The following GRIN2B variants were observed in gnomAD, a reference collection of about 807,000 sequenced individuals.
GRIN2B encodes glutamate receptor ionotropic, NMDA 2B.
In GRIN2B, 5 loss-of-function variants were observed where a neutral mutation model predicts 114.5. That is an observed-to-expected ratio of 0.04 (90% CI 0.02 to 0.09). GRIN2B has a LOEUF of 0.09. Among genes scored for constraint, GRIN2B ranks in the 10% least tolerant of loss-of-function variants. The probability of loss-of-function intolerance (pLI) is 1.00; values close to 1 mark genes in which losing one functional copy is unlikely to be tolerated. For synonymous variants in GRIN2B, 787 were observed against 745.1 expected (o/e 1.06, Z -0.92); for missense variants, 1,108 against 1,943.5 (o/e 0.57, Z 8.08).
intron 1 of GRIN2B, among the ~76,000 whole-genome samples, chr12:13,980,847 A>T (rs572326400): frequency 2.6e-5 from 4 of 152,194 alleles, no homozygotes; most frequent in Admixed American, 2.0e-4. Context: ...ATGGGTTCTG[A>T]TTGTGCACGG....
chr12:13,562,974 G>A lies in GRIN2B; in HGVS notation c.4264C>T (p.Arg1422Trp), dbSNP rs773278200. The change falls in exon 14 of 14, where the codon CGG becomes TGG. Residue 1422 changes from arginine to tryptophan, a missense_variant. This residue lies in a region of GRIN2B where 478 missense variants were observed against 506.0 expected (regional missense o/e 0.94). Transcript: ENST00000609686. ...AGASKARPDF[R>W]ALVTNKPVVS... The stretch of plus-strand genomic sequence containing the variant: ...ACCGGCTTGTTGGTGACAAGGGCCC[G>A]GAAGTCCGGCCTGGCTTTCGACGCC... 2.5e-6 allele frequency: 4 copies of A among 1,613,954 alleles called. No individual in the cohort carries two copies. Among genetic ancestry groups the A allele is most frequent in the Admixed American group, 1.7e-5 (1 of 60,024 alleles).
chr12:13,585,894 T>C (rs951743912), intron 10 of GRIN2B, among the ~76,000 whole-genome samples: 18 of 152,212 alleles, frequency 1.2e-4, no homozygotes, highest in Admixed American at 3.9e-4. Flanking sequence ...GGAGCTGCCC[T>C]GAACAGTCGA....
At position 13,539,879 on chromosome 12, in the gene GRIN2B, T is replaced by C. The variant is rs1257692867; in HGVS notation, c.*22904A>G. On this transcript the variant is annotated 3_prime_UTR_variant, in exon 14 of 14. Transcript: ENST00000609686. ...TACATTTGAGACAATTAGTGAACAC[T>C]GGATATTTCTTATCAAGGAATTATG... 1 of 152,178 alleles carries C rather than the reference T, an allele frequency of 6.6e-6. No individual in the cohort carries two copies. The highest frequency in any genetic ancestry group is 2.1e-4 in the South Asian group (1 of 4,828). 9.4% of individuals were successfully genotyped at this position (152,178 alleles called of 1,614,324 possible).
intron 2 of GRIN2B, among the ~76,000 whole-genome samples, chr12:13,869,219 T>C (rs1865869303): frequency 6.6e-6 from 1 of 150,782 alleles, no homozygotes; most frequent in Non-Finnish European, 1.5e-5. Flanking sequence ...CCTAGAGAAC[T>C]TTTTTCTTTT....
Position 13,555,149 on chromosome 12 carries a change from T to C in GRIN2B, c.*7634A>G, listed in dbSNP as rs1271465693. The C allele has an allele frequency of 6.6e-6, 1 of 152,086 alleles. No individual in the cohort carries two copies. Among genetic ancestry groups the C allele is most frequent in the African/African-American group, 2.4e-5 (1 of 41,404 alleles). The allele number at this position is 152,086 out of a possible 1,614,324, so 9.4% of individuals were successfully genotyped here. On this transcript the variant is annotated 3_prime_UTR_variant, in exon 14 of 14. Coordinates refer to ENST00000609686, the MANE Select transcript of GRIN2B (RefSeq NM_000834.5). ...CCATGGCAAGTCAATGCTAAGGAGA[T>C]AAGAGGAAGAGCAGGAACCAATGAG...
At chr12:13,574,911 C>T (rs1227817343) in intron 10 of GRIN2B, among the ~76,000 whole-genome samples, 1 of 152,132 alleles carries the variant, frequency 6.6e-6, no homozygotes, top group East Asian at 1.9e-4. Context: ...GATAGAGTGC[C>T]CACTAACAGA....
At chr12:13,831,106 CTCTCCCACCTCGTGG>C (rs1314486117) in intron 3 of GRIN2B, among the ~76,000 whole-genome samples, 2 of 152,162 alleles carry the variant, frequency 1.3e-5, no homozygotes, top group African/African-American at 2.4e-5. Flanking sequence ...CCTGCTTCCG[CTCTCCCACCTCGTGG>C]TCTCTGGACA....
At chr12:13,767,414 A>T (rs995006503) in intron 3 of GRIN2B, among the ~76,000 whole-genome samples, 10 of 152,012 alleles carry the variant, frequency 6.6e-5, no homozygotes, top group Non-Finnish European at 1.3e-4. Context: ...AAGAAATGTA[A>T]TTTTTTTTCT....
intron 10 of GRIN2B, among the ~76,000 whole-genome samples, chr12:13,573,738 G>A (rs1188109107): frequency 1.3e-5 from 2 of 152,304 alleles, no homozygotes; most frequent in East Asian, 3.9e-4. Context: ...GAAGCCTTGG[G>A]ATTGCCTGGG....
chr12:13,660,213 A>G (rs1016180064), intron 5 of GRIN2B, among the ~76,000 whole-genome samples: 2 of 152,186 alleles, frequency 1.3e-5, no homozygotes, highest in Non-Finnish European at 2.9e-5. Context: ...AATTTAGCCC[A>G]TAACTGGGGG....
chr12:13,551,277 G>A lies in GRIN2B; in HGVS notation c.*11506C>T, dbSNP rs1415798970. ...TCTGCTCATGATGTTTCCAAGAAGA[G>A]ATGTGGGCACATGTGCGAATATGTA... On this transcript the variant is annotated 3_prime_UTR_variant, in exon 14 of 14. Transcript: ENST00000609686. 1 of 152,086 alleles carries A rather than the reference G, an allele frequency of 6.6e-6. No homozygotes were observed. Among genetic ancestry groups the A allele is most frequent in the Non-Finnish European group, 1.5e-5 (1 of 68,018 alleles). The allele number at this position is 152,086 out of a possible 1,614,324, so 9.4% of individuals were successfully genotyped here.
At chr12:13,754,036 C>T (rs1274251115) in intron 3 of GRIN2B, 121 bp from the exon 4 acceptor site, 1 of 649,638 alleles carries the variant, frequency 1.5e-6, no homozygotes, top group Non-Finnish European at 2.8e-6. Flanking sequence ...TATATAATGC[C>T]TTTACAAGTT....
intron 5 of GRIN2B, among the ~76,000 whole-genome samples, chr12:13,639,780 T>G (rs1232941933): frequency 2.0e-5 from 3 of 152,124 alleles, no homozygotes; most frequent in African/African-American, 7.2e-5. Flanking sequence ...CTGTTTATCC[T>G]ATTGTTGCTT....
In GRIN2B at chr12:13,930,962, A is replaced by C. The variant is rs7295364; in HGVS notation, c.-19+48966T>G. Among the ~76,000 whole-genome samples the C allele has an allele frequency of 6.9e-3, 1,046 of 152,324 alleles. 15 individuals carry two copies. Among genetic ancestry groups the C allele is most frequent in the African/African-American group, 0.024 (1,006 of 41,570 alleles). On this transcript the variant is annotated intron_variant, in intron 2 of 13. Coordinates refer to ENST00000609686, the MANE Select transcript of GRIN2B (RefSeq NM_000834.5). ...TTCAATGTGATTGTCAAAAAAAAGC[A>C]ATGCAACCTCTCTTAGGCTACAACT... is the stretch of plus-strand genomic sequence containing the variant.
At chr12:13,958,056 C>T (rs557277756) in intron 2 of GRIN2B, among the ~76,000 whole-genome samples, 25 of 152,186 alleles carry the variant, frequency 1.6e-4, no homozygotes, top group African/African-American at 4.8e-4. Flanking sequence ...ATTTCCGTCA[C>T]GGTAGAAAGT....
rs116707004 is a variant in GRIN2B at position 13,636,633 on chromosome 12, G to A, written c.1126-19976C>T. On this transcript the variant is annotated intron_variant, in intron 5 of 13. Coordinates refer to ENST00000609686, the MANE Select transcript of GRIN2B (RefSeq NM_000834.5). ...TTGGGTTGAGAGAAAGAGAGAAATC[G>A]AAGATAACTCTGAGGTTTTGGGCCC... 2.4e-3 allele frequency among the ~76,000 whole-genome samples: 362 copies of A among 152,258 alleles called. 1 individual carries two copies. The highest frequency in any genetic ancestry group is 6.8e-3 in the Middle Eastern group (2 of 294).
chr12:13,844,918 C>T (rs1865443918), intron 3 of GRIN2B, among the ~76,000 whole-genome samples: 2 of 152,246 alleles, frequency 1.3e-5, no homozygotes, highest in Non-Finnish European at 2.9e-5. Context: ...GTGTTCCTTC[C>T]TGTTCTCTCT....
intron 3 of GRIN2B, among the ~76,000 whole-genome samples, chr12:13,864,992 G>A (rs767261728): frequency 2.6e-5 from 4 of 152,128 alleles, no homozygotes; most frequent in South Asian, 4.2e-4. Flanking sequence ...CAGGTTCCAC[G>A]GATTAAAATC....
rs995491057 is a variant in GRIN2B, at chr12:13,560,972, G to A, written c.*1811C>T. On this transcript the variant is annotated 3_prime_UTR_variant, in exon 14 of 14. Transcript: ENST00000609686. ...TTATGTGTCCTGTGTGCAACATGGCGATCCTGCAGTCAAGCTTCCACACAG... is the reference window on the plus strand; with the variant it reads ...TTATGTGTCCTGTGTGCAACATGGCAATCCTGCAGTCAAGCTTCCACACAG... The A allele has an allele frequency of 5.9e-5, 9 of 152,160 alleles. No homozygotes were observed. The highest frequency in any genetic ancestry group is 1.9e-4 in the African/African-American group (8 of 41,408). 9.4% of individuals were successfully genotyped at this position (152,160 alleles called of 1,614,324 possible).
Sources: gnomAD v4.1 joint callset for allele counts (sites outside exome capture counted in the v4.1 genomes callset) on GRCh38, gnomAD v4.1.1 for gene constraint, gnomAD v4.1.1 regional missense constraint, MANE v1.5 for transcripts, NCBI Gene and HGNC (gene_info 2026-07-23, HGNC 2026-07-21) for gene names.